MSANTD4: variants seen among roughly 807,000 people sequenced by gnomAD.
The protein encoded by MSANTD4 is myb/SANT-like DNA-binding domain-containing protein 4.
A neutral mutation model predicts 34.3 loss-of-function variants in MSANTD4; 13 were observed. The ratio of observed to expected loss-of-function variants is 0.38; its 90% CI spans 0.25 to 0.60. The LOEUF (loss-of-function observed/expected upper bound fraction) is 0.60. MSANTD4 is among the 20% of genes least tolerant of loss of function. The probability of loss-of-function intolerance (pLI) is 0.63; values close to 1 mark genes in which losing one functional copy is unlikely to be tolerated. For synonymous variants in MSANTD4, 137 were observed against 145.2 expected (o/e 0.94, Z 0.41); for missense variants, 358 against 401.8 (o/e 0.89, Z 0.93).
At position 106,008,018 on chromosome 11, in the gene MSANTD4, C is replaced by T. The variant is rs942818545; in HGVS notation, c.*1517G>A. ...AGAAGTATATTTTTTCCTTGCATAC[C>T]CATCCTCAAATGTCAACACACAGTT... On this transcript the variant is annotated 3_prime_UTR_variant, in exon 3 of 3. Transcript: ENST00000301919. 2 of 152,510 alleles carry T rather than the reference C, an allele frequency of 1.3e-5. No homozygotes were observed. Among genetic ancestry groups the T allele is most frequent in the Non-Finnish European group, 2.9e-5 (2 of 68,020 alleles). The allele number at this position is 152,510 out of a possible 1,614,324, so 9.4% of individuals were successfully genotyped here.
At chr11:106,012,057 A>C (rs1859710302) in intron 1 of MSANTD4, among the ~76,000 whole-genome samples, 1 of 152,092 alleles carries the variant, frequency 6.6e-6, no homozygotes, top group African/African-American at 2.4e-5. Context: ...GGTAACAAAA[A>C]AATGGCAAGG....
chr11:106,010,429 A>T, intron 2 of MSANTD4, 27 bp downstream of exon 2: 1 of 1,565,314 alleles, frequency 6.4e-7, no homozygotes, highest in Non-Finnish European at 8.6e-7. Context: ...GAAAAGATTA[A>T]AAGAGGGTAC....
Position 106,009,656 on chromosome 11 carries a change from T to C in MSANTD4, c.917A>G (p.Gln306Arg). 6.2e-7 allele frequency: 1 copy of C among 1,614,250 alleles called. No homozygotes were observed. The highest frequency in any genetic ancestry group is 8.5e-7 in the Non-Finnish European group (1 of 1,180,050). ...EKLKLERERL[Q>R]LEKDRLQFLK... is the part of the protein sequence containing the mutation. ...AAACTGCAGCCTATCCTTTTCCAGT[T>C]GCAAGCGTTCTCGCTCAAGTTTTAA... is the stretch of plus-strand genomic sequence containing the variant. The change falls in exon 3 of 3, where the codon CAA becomes CGA. Residue 306 changes from glutamine to arginine, a missense_variant. Gln to Arg is a conservative substitution (Grantham distance 43). This residue lies in a region of MSANTD4 where 312 missense variants were observed against 317.6 expected (regional missense o/e 0.98). Transcript: ENST00000301919.
Position 106,009,805 on chromosome 11 carries a change from C to T in MSANTD4, c.768G>A (p.Arg256=). ...TCAACTTTTCTCTTTCAATCTGCAG[C>T]CGCTCCTTCTCTAGCTGAAGCCGCT... ...EHERLQLEKE[R]LQIEREKLRL... is the part of the protein sequence containing the mutation. The change falls in exon 3 of 3, where the codon CGG becomes CGA. Residue 256 remains arginine, a synonymous_variant. Coordinates refer to ENST00000301919, the MANE Select transcript of MSANTD4 (RefSeq NM_032424.3). 5.6e-6 allele frequency: 9 copies of T among 1,614,200 alleles called. No individual in the cohort carries two copies. The highest frequency in any genetic ancestry group is 6.8e-6 in the Non-Finnish European group (8 of 1,180,046).
intron 1 of MSANTD4, among the ~76,000 whole-genome samples, chr11:106,014,042 C>T (rs1256044645): frequency 6.6e-6 from 1 of 152,214 alleles, no homozygotes. Context: ...TGAAGAATCC[C>T]TAAGCAGACA....
chr11:106,017,365 C>T (rs572844788), intron 1 of MSANTD4, among the ~76,000 whole-genome samples: 40 of 152,292 alleles, frequency 2.6e-4, no homozygotes, highest in Middle Eastern at 3.4e-3. Context: ...TCATTTCTGT[C>T]TCAGCCATAT....
chr11:106,014,133 G>T (rs1473516821), intron 1 of MSANTD4, among the ~76,000 whole-genome samples: 5 of 152,050 alleles, frequency 3.3e-5, no homozygotes, highest in African/African-American at 1.2e-4. Flanking sequence ...CTATTTTTTT[G>T]GTAAATATCG....
intron 1 of MSANTD4, among the ~76,000 whole-genome samples, chr11:106,011,873 A>G (rs1244390403): frequency 6.6e-6 from 1 of 152,240 alleles, no homozygotes; most frequent in Non-Finnish European, 1.5e-5. Context: ...AATAAAACTC[A>G]GAAACCAATT....
At chr11:106,011,296 C>G (rs1263560216) in intron 1 of MSANTD4, among the ~76,000 whole-genome samples, 2 of 152,152 alleles carry the variant, frequency 1.3e-5, no homozygotes, top group African/African-American at 2.4e-5. Flanking sequence ...ATTCCTGACT[C>G]CCTTCCTACT....
Position 106,009,702 on chromosome 11 carries a change from G to T in MSANTD4, c.871C>A (p.Gln291Lys). The T allele has an allele frequency of 6.2e-7, 1 of 1,614,178 alleles. No individual in the cohort carries two copies. The highest frequency in any genetic ancestry group is 8.5e-7 in the Non-Finnish European group (1 of 1,180,040). ...GQGEKSMLQP[Q>K]DIETEKLKLE... is the part of the protein sequence containing the mutation. ...TTTAACTTCTCTGTTTCTATGTCCT[G>T]TGGTTGAAGCATGGATTTTTCTCCT... The change falls in exon 3 of 3, where the codon CAG becomes AAG. Residue 291 changes from glutamine to lysine, a missense_variant. This residue lies in a region of MSANTD4 where 312 missense variants were observed against 317.6 expected (regional missense o/e 0.98). Transcript: ENST00000301919.
In MSANTD4 at chr11:106,011,009, G is replaced by T; in HGVS notation, c.-92C>A. 1 of 1,448,462 alleles carries T rather than the reference G, an allele frequency of 6.9e-7. No individual in the cohort carries two copies. The highest frequency in any genetic ancestry group is 9.0e-7 in the Non-Finnish European group (1 of 1,105,596). 89.7% of individuals were successfully genotyped at this position (1,448,462 alleles called of 1,614,324 possible). On this transcript the variant is annotated 5_prime_UTR_variant, in exon 2 of 3. Coordinates refer to ENST00000301919, the MANE Select transcript of MSANTD4 (RefSeq NM_032424.3). ...AAAAACCAGGGATAATTCTTTGCTG[G>T]CCCTTAGTTCAAATCATTGTCTTCC...
intron 1 of MSANTD4, among the ~76,000 whole-genome samples, chr11:106,011,359 C>T (rs2134937252): frequency 6.6e-6 from 1 of 152,256 alleles, no homozygotes; most frequent in South Asian, 2.1e-4. Context: ...TTGCACTGGC[C>T]ATCTTTCAGC....
intron 1 of MSANTD4, among the ~76,000 whole-genome samples, chr11:106,015,847 C>T (rs568245927): frequency 1.6e-4 from 25 of 151,906 alleles, no homozygotes; most frequent in South Asian, 6.2e-4. Flanking sequence ...GTTTAGTGAA[C>T]ACTGTAGAAT....
chr11:106,013,029 T>A (rs901517660), intron 1 of MSANTD4, among the ~76,000 whole-genome samples: 1 of 152,202 alleles, frequency 6.6e-6, no homozygotes, highest in Non-Finnish European at 1.5e-5. Flanking sequence ...AAGGTCCCAG[T>A]GTCTCACACA....
At chr11:106,015,350 G>A (rs1859816396) in intron 1 of MSANTD4, among the ~76,000 whole-genome samples, 1 of 152,062 alleles carries the variant, frequency 6.6e-6, no homozygotes, top group Non-Finnish European at 1.5e-5. Context: ...AATCCTATAA[G>A]GATTAAAGGA....
chr11:106,008,314 G>C lies in MSANTD4; in HGVS notation c.*1221C>G, dbSNP rs1295292107. 1 of 152,332 alleles carries C rather than the reference G, an allele frequency of 6.6e-6. No individual in the cohort carries two copies. Among genetic ancestry groups the C allele is most frequent in the Non-Finnish European group, 1.5e-5 (1 of 68,026 alleles). 9.4% of individuals were successfully genotyped at this position (152,332 alleles called of 1,614,324 possible). A position where few individuals can be genotyped will look rare whatever the true frequency, so the allele number is the denominator to read the frequency against. ...TACGTGCTTTGTTCCTCAGGGAAGA[G>C]GGAAGGACAAAATATACTACAATAT... On this transcript the variant is annotated 3_prime_UTR_variant, in exon 3 of 3. Transcript: ENST00000301919.
At position 106,009,044 on chromosome 11, in the gene MSANTD4, G is replaced by C. The variant is rs750399563; in HGVS notation, c.*491C>G. 1.1e-4 allele frequency: 17 copies of C among 154,048 alleles called. No homozygotes were observed. Among genetic ancestry groups the C allele is most frequent in the Non-Finnish European group, 1.0e-4 (7 of 69,350 alleles). 9.5% of individuals were successfully genotyped at this position (154,048 alleles called of 1,614,324 possible). ...GCTATAGAGGTACACAGTTAGGCTAGGACAGGGTTTCTCAACCTCAGGACT... is the reference window on the plus strand; with the variant it reads ...GCTATAGAGGTACACAGTTAGGCTACGACAGGGTTTCTCAACCTCAGGACT... On this transcript the variant is annotated 3_prime_UTR_variant, in exon 3 of 3. Transcript: ENST00000301919.
chr11:106,019,643 A>G (rs1470108538), intron 1 of MSANTD4, among the ~76,000 whole-genome samples: 1 of 152,186 alleles, frequency 6.6e-6, no homozygotes, highest in East Asian at 1.9e-4. Context: ...CATTCACCTA[A>G]GTCTGATGTC....
intron 1 of MSANTD4, among the ~76,000 whole-genome samples, chr11:106,019,230 A>G (rs1453518071): frequency 1.3e-5 from 2 of 152,144 alleles, no homozygotes; most frequent in Admixed American, 6.6e-5. Context: ...AATACCAGTC[A>G]TTTTCAAATC....
Sources: allele counts gnomAD v4.1 joint callset (sites outside exome capture counted in the v4.1 genomes callset), GRCh38; gene constraint gnomAD v4.1.1; regional missense constraint gnomAD v4.1.1; transcripts MANE v1.5; gene names NCBI Gene and HGNC (gene_info 2026-07-23, HGNC 2026-07-21).